The following LRMDA variants were observed in gnomAD, a reference collection of about 807,000 sequenced individuals.
LRMDA encodes leucine-rich melanocyte differentiation-associated protein.
In LRMDA, 18 loss-of-function variants were observed where a neutral mutation model predicts 29.8. That is an observed-to-expected ratio of 0.60 (90% confidence interval 0.42 to 0.90). The LOEUF (loss-of-function observed/expected upper bound fraction) is 0.90, where lower values mean the gene tolerates loss of function less well. Among genes scored for constraint, LRMDA ranks in the 40% least tolerant of loss-of-function variants. LRMDA has a pLI of 0.00. For missense variants in LRMDA, 273 were observed against 273.9 expected, an observed-to-expected ratio of 1.00 and a Z score of 0.02; for synonymous variants, 125 against 109.4, an observed-to-expected ratio of 1.14 and a Z score of -0.89.
At chr10:76,320,679 A>G (rs2579781) in intron 5 of LRMDA, among the ~76,000 whole-genome samples, 92,838 of 152,066 alleles carry the variant, frequency 0.61, 31,971 homozygotes, top group Non-Finnish European at 0.81. Flanking sequence ...AAAATAATGA[A>G]CACATGTAGA....
At chr10:76,298,130 A>T (rs1377938208) in intron 5 of LRMDA, among the ~76,000 whole-genome samples, 1 of 152,226 alleles carries the variant, frequency 6.6e-6, no homozygotes, top group Non-Finnish European at 1.5e-5. Flanking sequence ...TTAACTTGTG[A>T]TCACTGATCA....
intron 2 of LRMDA, among the ~76,000 whole-genome samples, chr10:75,865,819 G>A (rs1222674953): frequency 6.6e-6 from 1 of 151,882 alleles, no homozygotes; most frequent in Non-Finnish European, 1.5e-5. Flanking sequence ...TCATTATCAT[G>A]TACTACCATC....
chr10:76,069,788 C>T (rs1474786463), intron 5 of LRMDA, among the ~76,000 whole-genome samples: 1 of 152,014 alleles, frequency 6.6e-6, no homozygotes, highest in Non-Finnish European at 1.5e-5. Context: ...CATTTTTATT[C>T]ACTCCTCCCC....
At chr10:75,651,061 T>C (rs540190735) in intron 2 of LRMDA, among the ~76,000 whole-genome samples, 105 of 152,302 alleles carry the variant, frequency 6.9e-4, no homozygotes, top group African/African-American at 2.3e-3. Context: ...CTTCTCTGTC[T>C]TTTTCTCTCC....
chr10:76,145,762 A>T (rs1274904968), intron 5 of LRMDA, among the ~76,000 whole-genome samples: 1 of 151,736 alleles, frequency 6.6e-6, no homozygotes, highest in Non-Finnish European at 1.5e-5. Context: ...TTGCTTTTCT[A>T]GTTCTTTTAA....
At chr10:75,629,382 A>G (rs1242493391) in intron 2 of LRMDA, among the ~76,000 whole-genome samples, 1 of 152,132 alleles carries the variant, frequency 6.6e-6, no homozygotes, top group Non-Finnish European at 1.5e-5. Flanking sequence ...TTCTGGATTT[A>G]AGAAAGGGTC....
intron 2 of LRMDA, among the ~76,000 whole-genome samples, chr10:75,556,833 G>A (rs925273633): frequency 4.0e-5 from 6 of 149,552 alleles, no homozygotes; most frequent in Admixed American, 1.4e-4. Context: ...AATGTATATC[G>A]TAATACTAGA....
At chr10:75,910,940 T>C (rs528294741) in intron 2 of LRMDA, among the ~76,000 whole-genome samples, 40 of 152,092 alleles carry the variant, frequency 2.6e-4, no homozygotes, top group African/African-American at 9.6e-4. Context: ...GTGTTGGGAG[T>C]TGATTGGTTG....
At chr10:75,898,643 A>C (rs1035193327) in intron 2 of LRMDA, among the ~76,000 whole-genome samples, 17 of 152,136 alleles carry the variant, frequency 1.1e-4, no homozygotes, top group African/African-American at 3.9e-4. Flanking sequence ...GGAATTTCTC[A>C]AAACAAGAAA....
chr10:76,359,107 G>A (rs1337044333), intron 6 of LRMDA, among the ~76,000 whole-genome samples: 1 of 152,162 alleles, frequency 6.6e-6, no homozygotes, highest in Non-Finnish European at 1.5e-5. Context: ...GTCACCCATG[G>A]AGCTAGGTGC....
intron 2 of LRMDA, among the ~76,000 whole-genome samples, chr10:75,992,271 G>A (rs541515390): frequency 5.6e-4 from 85 of 152,126 alleles, no homozygotes; most frequent in Non-Finnish European, 1.1e-3. Flanking sequence ...CATCCCTAGA[G>A]GTAGCATAGA....
intron 5 of LRMDA, among the ~76,000 whole-genome samples, chr10:76,140,572 A>G (rs1330824678): frequency 6.6e-6 from 1 of 152,084 alleles, no homozygotes; most frequent in African/African-American, 2.4e-5. Flanking sequence ...CAGTACCCCA[A>G]AGGATGGCAC....
intron 5 of LRMDA, among the ~76,000 whole-genome samples, chr10:76,241,371 A>C (rs1217510911): frequency 1.3e-5 from 2 of 152,146 alleles, no homozygotes; most frequent in Non-Finnish European, 2.9e-5. Flanking sequence ...CCTTTTACCT[A>C]ATGTTTGAGC....
At chr10:76,457,173 G>A (rs1280532176) in intron 6 of LRMDA, among the ~76,000 whole-genome samples, 4 of 152,118 alleles carry the variant, frequency 2.6e-5, no homozygotes, top group African/African-American at 9.7e-5. Flanking sequence ...AGCATTCAGG[G>A]TTTTAGTTTC....
intron 2 of LRMDA, among the ~76,000 whole-genome samples, chr10:75,897,494 T>G (rs1249678487): frequency 6.6e-6 from 1 of 152,216 alleles, no homozygotes; most frequent in Non-Finnish European, 1.5e-5. Flanking sequence ...GGAGAATGCC[T>G]GCTAGACCTG....
At chr10:76,199,463 G>T (rs780368793) in intron 5 of LRMDA, among the ~76,000 whole-genome samples, 5 of 152,106 alleles carry the variant, frequency 3.3e-5, no homozygotes, top group Admixed American at 6.5e-5. Context: ...TAATACTGAA[G>T]TGTCTATCTT....
intron 2 of LRMDA, among the ~76,000 whole-genome samples, chr10:75,457,368 C>T (rs1042318706): frequency 2.0e-4 from 31 of 152,194 alleles, no homozygotes; most frequent in Admixed American, 2.0e-3. Flanking sequence ...AAGGGGACAA[C>T]CCCTACAGCG....
chr10:75,601,608 C>A (rs1840886548), intron 2 of LRMDA, among the ~76,000 whole-genome samples: 1 of 152,030 alleles, frequency 6.6e-6, no homozygotes, highest in Admixed American at 6.6e-5. Flanking sequence ...TAGGCAGAAT[C>A]AAGGAAAGAA....
intron 2 of LRMDA, among the ~76,000 whole-genome samples, chr10:75,973,771 C>T: frequency 6.6e-6 from 1 of 152,094 alleles, no homozygotes; most frequent in Non-Finnish European, 1.5e-5. Flanking sequence ...TGAATAATGA[C>T]AGCACCGTGA....
Sources: gnomAD v4.1 joint callset for allele counts (sites outside exome capture counted in the v4.1 genomes callset) on GRCh38, gnomAD v4.1.1 for gene constraint, MANE v1.5 for transcripts, NCBI Gene and HGNC (gene_info 2026-07-23, HGNC 2026-07-21) for gene names.